EXT2: variants seen among roughly 807,000 people sequenced by gnomAD.
EXT2 encodes the protein exostosin-2.
A neutral mutation model predicts 81.6 loss-of-function variants in EXT2; 53 were observed. The ratio of observed to expected loss-of-function variants is 0.65; its 90% CI spans 0.52 to 0.82. The LOEUF (loss-of-function observed/expected upper bound fraction) is 0.82, where lower values mean the gene tolerates loss of function less well. Among genes scored for constraint, EXT2 ranks in the 40% least tolerant of loss-of-function variants. The probability of loss-of-function intolerance (pLI) is 0.00; values close to 1 mark genes in which losing one functional copy is unlikely to be tolerated. For synonymous variants in EXT2, 320 were observed against 340.0 expected (o/e 0.94, Z 0.65); for missense variants, 774 against 910.2 (o/e 0.85, Z 1.93).
rs77931514 is a variant in EXT2, at chr11:44,130,559, G to A, written c.1173+421G>A. On this transcript the variant is annotated intron_variant, in intron 7 of 13. Transcript: ENST00000533608. The stretch of plus-strand genomic sequence containing the variant: ...CAGTTCAGTCATCCTTTGTAATTCG[G>A]GAATCCTTCCCTCTCTTCTGGAACA... 7.3e-3 allele frequency among the ~76,000 whole-genome samples: 1,107 copies of A among 152,192 alleles called. 15 individuals are homozygous for A. Among genetic ancestry groups the A allele is most frequent in the African/African-American group, 0.025 (1,043 of 41,512 alleles).
intron 8 of EXT2, among the ~76,000 whole-genome samples, chr11:44,173,821 C>A (rs1000196287): frequency 6.6e-5 from 10 of 152,132 alleles, no homozygotes; most frequent in African/African-American, 1.7e-4. Flanking sequence ...CCTGCCTCGG[C>A]CTCCCAAAGT....
rs1425215978 is a variant in EXT2 at position 44,203,659 on chromosome 11, A to T, written c.1496-3134A>T. Among the ~76,000 whole-genome samples, 4 of 152,312 alleles carry T rather than the reference A, an allele frequency of 2.6e-5. No individual in the cohort carries two copies. The East Asian group carries it at 7.7e-4, about 29-fold the overall frequency. ...ACTGGGAAGCCAGTTGGGGTGTGCT[A>T]GAACCTCCTGGGAAGCTGCCCCAGG... On this transcript the variant is annotated intron_variant, in intron 9 of 13. Transcript: ENST00000533608.
intron 4 of EXT2, chr11:44,115,811 C>T (rs1172315703): frequency 6.6e-6 from 1 of 152,158 alleles, no homozygotes; most frequent in Non-Finnish European, 1.5e-5. Context: ...AATTCTGAAA[C>T]TTACATTAGC....
intron 12 of EXT2, 145 bp downstream of exon 12, chr11:44,234,388 G>A (rs929331539): frequency 1.5e-5 from 12 of 792,514 alleles, no homozygotes; most frequent in Middle Eastern, 2.8e-4. Context: ...TGATTGATGC[G>A]GTCACATTGG....
intron 13 of EXT2, 61 bp downstream of exon 13, chr11:44,236,436 C>T (rs1488571591): frequency 6.8e-7 from 1 of 1,481,056 alleles, no homozygotes; most frequent in Non-Finnish European, 9.4e-7. Flanking sequence ...CTGCCTTAGG[C>T]CTGTTTATGG....
chr11:44,184,751 A>G (rs1380206262), intron 8 of EXT2, among the ~76,000 whole-genome samples: 1 of 152,168 alleles, frequency 6.6e-6, no homozygotes, highest in African/African-American at 2.4e-5. Flanking sequence ...ACTCCGTCTC[A>G]AAATAATAAT....
At chr11:44,105,170 T>C (rs1954037158) in intron 1 of EXT2, among the ~76,000 whole-genome samples, 1 of 152,206 alleles carries the variant, frequency 6.6e-6, no homozygotes, top group Non-Finnish European at 1.5e-5. Context: ...GCTCCATTTA[T>C]CCGAAGCAAA....
intron 7 of EXT2, among the ~76,000 whole-genome samples, chr11:44,168,076 G>T (rs544637260): frequency 6.7e-6 from 1 of 149,594 alleles, no homozygotes; most frequent in East Asian, 2.0e-4. Flanking sequence ...GCGGTGTTTG[G>T]TTTTTTTTTC....
At position 44,173,044 on chromosome 11, in the gene EXT2, A is replaced by G. The variant is rs558656032; in HGVS notation, c.1305+1302A>G. 5.4e-4 allele frequency among the ~76,000 whole-genome samples: 82 copies of G among 152,300 alleles called. 1 individual carries two copies. Among genetic ancestry groups the G allele is most frequent in the South Asian group, 1.2e-3 (6 of 4,830 alleles). On this transcript the variant is annotated intron_variant, in intron 8 of 13. Transcript: ENST00000533608. ...TGAGAGGTGTTGAGAATACAGAAAAAAGAAGACAGTTCCTGCCTTCAAAGA... is the reference window on the plus strand; with the variant it reads ...TGAGAGGTGTTGAGAATACAGAAAAGAGAAGACAGTTCCTGCCTTCAAAGA...
intron 7 of EXT2, among the ~76,000 whole-genome samples, chr11:44,130,660 C>T (rs767757401): frequency 1.7e-4 from 26 of 152,224 alleles, no homozygotes; most frequent in Non-Finnish European, 2.6e-4. Context: ...TGATCTCTGA[C>T]TGTCTCATAC....
intron 8 of EXT2, among the ~76,000 whole-genome samples, chr11:44,196,077 A>G (rs1955452161): frequency 1.3e-5 from 2 of 152,224 alleles, no homozygotes; most frequent in South Asian, 4.1e-4. Flanking sequence ...TTTTGCTTAC[A>G]TTGCTGTATT....
intron 4 of EXT2, among the ~76,000 whole-genome samples, chr11:44,119,280 T>C (rs953967654): frequency 6.6e-6 from 1 of 151,324 alleles, no homozygotes; most frequent in Admixed American, 6.6e-5. Flanking sequence ...GAGGGCTCCA[T>C]GACTCAGCAT....
chr11:44,109,751 C>T (rs1028827510), intron 3 of EXT2, among the ~76,000 whole-genome samples: 1 of 152,178 alleles, frequency 6.6e-6, no homozygotes, highest in South Asian at 2.1e-4. Context: ...GTTCCTCCCT[C>T]CCTCCCTGCC....
intron 8 of EXT2, among the ~76,000 whole-genome samples, chr11:44,187,069 C>T (rs200212208): frequency 5.5e-5 from 8 of 145,880 alleles, no homozygotes; most frequent in East Asian, 4.1e-4. Context: ...TCCCTCCCTC[C>T]GTCCCTCCCT....
chr11:44,146,494 G>A (rs1318265240), intron 7 of EXT2, among the ~76,000 whole-genome samples: 1 of 152,198 alleles, frequency 6.6e-6, no homozygotes, highest in South Asian at 2.1e-4. Context: ...TAGTCATGGT[G>A]TAAGGCCAGA....
At chr11:44,209,208 A>G (rs1955618969) in intron 10 of EXT2, among the ~76,000 whole-genome samples, 1 of 152,226 alleles carries the variant, frequency 6.6e-6, no homozygotes, top group African/African-American at 2.4e-5. Flanking sequence ...GGTTGGGTTC[A>G]GAGCACTCTG....
Position 44,251,917 on chromosome 11 carries a change from A to G in EXT2, c.*7630A>G, listed in dbSNP as rs1203734065. 6.6e-6 allele frequency among the ~76,000 whole-genome samples: 1 copy of G among 152,254 alleles called. No individual in the cohort carries two copies. Among genetic ancestry groups the G allele is most frequent in the Non-Finnish European group, 1.5e-5 (1 of 68,046 alleles). On this transcript the variant is annotated 3_prime_UTR_variant, in exon 14 of 14. Transcript: ENST00000533608. Reference sequence around the variant, plus strand: ...ATGAGGAAGATAACCAAAACAAGTGACTGAATATAATTTCAAATGTCAATA... The same window carrying G: ...ATGAGGAAGATAACCAAAACAAGTGGCTGAATATAATTTCAAATGTCAATA...
In EXT2 at chr11:44,247,987, A is replaced by G. The variant is rs1353141449; in HGVS notation, c.*3700A>G. Among the ~76,000 whole-genome samples the G allele has an allele frequency of 2.0e-5, 3 of 152,214 alleles. No homozygotes were observed. Among genetic ancestry groups the G allele is most frequent in the Non-Finnish European group, 4.4e-5 (3 of 68,034 alleles). On this transcript the variant is annotated 3_prime_UTR_variant, in exon 14 of 14. Coordinates refer to ENST00000533608, the MANE Select transcript of EXT2 (RefSeq NM_207122.2). ...GATGAAGCAGAGACTGGGTTTGGGA[A>G]GTGGTTGGGTTCTGGGAAGGCTCTT...
chr11:44,225,876 G>T (rs1955833182), intron 10 of EXT2, among the ~76,000 whole-genome samples: 1 of 152,186 alleles, frequency 6.6e-6, no homozygotes. Context: ...AGATCTCTGA[G>T]ATAGCTTGGA....
Sources: allele counts gnomAD v4.1 joint callset (sites outside exome capture counted in the v4.1 genomes callset), GRCh38; gene constraint gnomAD v4.1.1; transcripts MANE v1.5; gene names NCBI Gene and HGNC (gene_info 2026-07-23, HGNC 2026-07-21).